CLEC16A: variants seen among roughly 807,000 people sequenced by gnomAD.
CLEC16A encodes C-type lectin domain containing 16A.
In CLEC16A, 51 loss-of-function variants were observed where a neutral mutation model predicts 109.5. That is an observed-to-expected ratio of 0.47 (90% CI 0.37 to 0.59). The LOEUF is 0.59. CLEC16A is among the 20% of genes least tolerant of loss of function. CLEC16A has a pLI of 0.00. For missense variants in CLEC16A, 1,339 were observed against 1,394.0 expected, an observed-to-expected ratio of 0.96 and a Z score of 0.63; for synonymous variants, 673 against 564.2, an observed-to-expected ratio of 1.19 and a Z score of -2.73.
At chr16:11,156,084 G>A (rs926979324) in intron 22 of CLEC16A, among the ~76,000 whole-genome samples, 29 of 152,236 alleles carry the variant, frequency 1.9e-4, no homozygotes, top group Admixed American at 1.5e-3. Context: ...GCTCCTGGCC[G>A]GGCATGGTGG....
chr16:11,124,503 A>G (rs2153034027), intron 21 of CLEC16A, among the ~76,000 whole-genome samples: 1 of 152,290 alleles, frequency 6.6e-6, no homozygotes, highest in East Asian at 1.9e-4. Flanking sequence ...TTTACATTTC[A>G]CGGGGATTGC....
chr16:11,150,667 C>G (rs1337931880), intron 22 of CLEC16A, among the ~76,000 whole-genome samples: 1 of 152,198 alleles, frequency 6.6e-6, no homozygotes, highest in Non-Finnish European at 1.5e-5. Flanking sequence ...AGTCCATTGT[C>G]TGAGTGTTAG....
intron 11 of CLEC16A, among the ~76,000 whole-genome samples, chr16:11,010,111 C>T (rs2045310010): frequency 6.6e-6 from 1 of 151,858 alleles, no homozygotes; most frequent in African/African-American, 2.4e-5. Flanking sequence ...TGTGATCGTG[C>T]CACACACTCC....
rs72770096 is a variant in CLEC16A at position 11,051,191 on chromosome 16, C to A, written c.1867-322C>A. Among the ~76,000 whole-genome samples, 803 of 152,316 alleles carry A rather than the reference C, an allele frequency of 5.3e-3. 1 individual carries two copies. The highest frequency in any genetic ancestry group is 9.2e-3 in the Non-Finnish European group (625 of 68,034). The stretch of plus-strand genomic sequence containing the variant: ...CACAGGGATAAAGCATACCTGGCCT[C>A]CTGCTGAGAATCCCTGTCCCTGCTG... On this transcript the variant is annotated intron_variant, in intron 17 of 23. Transcript: ENST00000409790.
intron 19 of CLEC16A, among the ~76,000 whole-genome samples, chr16:11,113,724 A>G (rs1757606119): frequency 1.3e-5 from 2 of 152,190 alleles, no homozygotes; most frequent in South Asian, 4.1e-4. Context: ...TACTCATCGT[A>G]TGTTCTTGAG....
intron 6 of CLEC16A, 111 bp from the exon 7 acceptor site, chr16:10,972,827 G>A: frequency 3.5e-6 from 4 of 1,129,868 alleles, no homozygotes; most frequent in Non-Finnish European, 4.9e-6. Flanking sequence ...TTATAGCAGA[G>A]GGCTTTTTCA....
chr16:11,089,307 G>GT (rs1318356732), intron 19 of CLEC16A, among the ~76,000 whole-genome samples: 1 of 152,186 alleles, frequency 6.6e-6, no homozygotes, highest in Non-Finnish European at 1.5e-5. Context: ...GGACATCAGG[G>GT]TATGAGGGTG....
At chr16:11,121,879 CAA>C (rs536067685) in intron 20 of CLEC16A, among the ~76,000 whole-genome samples, 8 of 29,844 alleles carry the variant, frequency 2.7e-4, no homozygotes, top group African/African-American at 1.2e-3. Flanking sequence ...GACCCTGTCT[CAA>C]AAAAAAAAAA....
Position 10,974,531 on chromosome 16 carries a change from G to T in CLEC16A, c.728+1470G>T, listed in dbSNP as rs1350563573. ...CAGCCTCTCTACCTGCTAGATGCCA[G>T]TAGCACCCCTCCCCAGTCGTACCAA... On this transcript the variant is annotated intron_variant, in intron 7 of 23. Coordinates refer to ENST00000409790, the MANE Select transcript of CLEC16A (RefSeq NM_015226.3). Among the ~76,000 whole-genome samples, 3 of 152,148 alleles carry T rather than the reference G, an allele frequency of 2.0e-5. No individual in the cohort carries two copies. In the East Asian group the frequency reaches 5.8e-4, roughly 29 times the overall value.
intron 22 of CLEC16A, among the ~76,000 whole-genome samples, chr16:11,139,085 G>T (rs2053703597): frequency 6.6e-6 from 1 of 151,850 alleles, no homozygotes; most frequent in Non-Finnish European, 1.5e-5. Flanking sequence ...AGCTAGCAAG[G>T]GCATCTCGAT....
intron 19 of CLEC16A, 124 bp from the exon 20 acceptor site, chr16:11,120,491 G>C: frequency 1.0e-6 from 1 of 995,628 alleles, no homozygotes; most frequent in Non-Finnish European, 1.4e-6. Context: ...AGGTCTGTGT[G>C]ACTCTAGGCC....
intron 13 of CLEC16A, among the ~76,000 whole-genome samples, chr16:11,025,905 A>C (rs1334559882): frequency 6.6e-6 from 1 of 152,210 alleles, no homozygotes; most frequent in African/African-American, 2.4e-5. Context: ...AAGATAGCCA[A>C]ACAAACCCAA....
In CLEC16A at chr16:10,974,223, G is replaced by A. The variant is rs1393877398; in HGVS notation, c.728+1162G>A. On this transcript the variant is annotated intron_variant, in intron 7 of 23. Transcript: ENST00000409790. ...ATAAGGTGCTTTTTTTTGCAGGGGG[G>A]ATAACAGTGTTCTAAAATTGACTGT... 2.0e-5 allele frequency among the ~76,000 whole-genome samples: 3 copies of A among 151,974 alleles called. No homozygotes were observed. The East Asian group carries it at 5.8e-4, about 29-fold the overall frequency.
At chr16:11,113,369 A>G (rs951477226) in intron 19 of CLEC16A, among the ~76,000 whole-genome samples, 2 of 152,188 alleles carry the variant, frequency 1.3e-5, no homozygotes, top group African/African-American at 2.4e-5. Flanking sequence ...CCTTTAGAAA[A>G]TCAGAGCAGT....
At chr16:11,005,412 A>G (rs1392835714) in intron 11 of CLEC16A, among the ~76,000 whole-genome samples, 1 of 152,226 alleles carries the variant, frequency 6.6e-6, no homozygotes, top group Non-Finnish European at 1.5e-5. Flanking sequence ...CACAGGACCC[A>G]GGAATCTCCC....
intron 8 of CLEC16A, among the ~76,000 whole-genome samples, 164 bp downstream of exon 8, chr16:10,977,563 G>A (rs1056330767): frequency 6.6e-6 from 1 of 152,154 alleles, no homozygotes; most frequent in Non-Finnish European, 1.5e-5. Flanking sequence ...ACCCAGGCTG[G>A]AGTGCAGTGG....
chr16:11,043,622 T>C (rs894386384), intron 15 of CLEC16A, among the ~76,000 whole-genome samples: 15 of 152,034 alleles, frequency 9.9e-5, no homozygotes, highest in Non-Finnish European at 2.1e-4. Context: ...CCCAGCACTT[T>C]GGGAGGCCGA....
chr16:11,116,044 A>G (rs544307301), intron 19 of CLEC16A, among the ~76,000 whole-genome samples: 80 of 152,112 alleles, frequency 5.3e-4, no homozygotes, highest in African/African-American at 1.4e-3. Flanking sequence ...ATTTTCAAAT[A>G]CCCGGCTGGA....
chr16:10,966,550 G>A (rs989725594), intron 3 of CLEC16A, among the ~76,000 whole-genome samples: 11 of 152,184 alleles, frequency 7.2e-5, no homozygotes, highest in Admixed American at 1.3e-4. Context: ...TGTTTTATAC[G>A]TAGATATACC....
Sources: allele counts gnomAD v4.1 joint callset (sites outside exome capture counted in the v4.1 genomes callset), GRCh38; gene constraint gnomAD v4.1.1; transcripts MANE v1.5; gene names NCBI Gene and HGNC (gene_info 2026-07-23, HGNC 2026-07-21).